Variants in TOB2 observed in about 807,000 individuals in gnomAD.
TOB2 encodes the protein protein Tob2.
Under a neutral mutation model 17.3 loss-of-function variants are expected in TOB2, and 3 were observed. The ratio of observed to expected loss-of-function variants is 0.17; its 90% CI spans 0.08 to 0.45. TOB2 has a LOEUF of 0.45. Ranked by LOEUF, TOB2 falls within the 20% of genes least tolerant of loss-of-function variation. The pLI is 0.99. For synonymous variants in TOB2, 163 were observed against 185.6 expected, an observed-to-expected ratio of 0.88 and a Z score of 0.99; for missense variants, 407 against 445.7, an observed-to-expected ratio of 0.91 and a Z score of 0.78.
intron 1 of TOB2, among the ~76,000 whole-genome samples, chr22:41,441,314 CAAA>C (rs57013095): frequency 7.1e-6 from 1 of 140,996 alleles, no homozygotes; most frequent in Non-Finnish European, 1.5e-5. Flanking sequence ...GACTCTACCT[CAAA>C]AAAAAAAAAA....
intron 1 of TOB2, among the ~76,000 whole-genome samples, chr22:41,444,168 C>T (rs1417125728): frequency 1.3e-5 from 2 of 152,186 alleles, no homozygotes; most frequent in African/African-American, 2.4e-5. Flanking sequence ...ACGCAGGCAG[C>T]TCCTCTCCTT....
intron 1 of TOB2, among the ~76,000 whole-genome samples, chr22:41,439,482 C>CGTATGTAT (rs6147628): frequency 9.2e-4 from 136 of 148,090 alleles, no homozygotes; most frequent in African/African-American, 1.9e-3. Flanking sequence ...TTTAATTTTA[C>CGTATGTAT]GTATGTATGT....
At chr22:41,437,509 G>C (rs917338000) in intron 1 of TOB2, 102 bp from the exon 2 acceptor site, 6 of 1,387,684 alleles carry the variant, frequency 4.3e-6, no homozygotes, top group African/African-American at 1.5e-5. Context: ...CACAGAACCA[G>C]GAGCCTATTT....
chr22:41,439,985 A>G (rs1237608319), intron 1 of TOB2, among the ~76,000 whole-genome samples: 1 of 152,188 alleles, frequency 6.6e-6, no homozygotes, highest in African/African-American at 2.4e-5. Context: ...CAGAGGTACC[A>G]CAACTATGCC....
In TOB2 at chr22:41,436,581, G is replaced by A. The variant is rs2037551287; in HGVS notation, c.765C>T (p.Pro255=). Reference sequence around the variant, plus strand: ...CGTTGTACACGAACTCCTTGGCATTGGGTGAGAGCTGGGACTGAGGGGCCG... The same window carrying A: ...CGTTGTACACGAACTCCTTGGCATTAGGTGAGAGCTGGGACTGAGGGGCCG... ...ANPAPQSQLS[P]NAKEFVYNGG... Residue 255 remains proline, a synonymous_variant, in exon 2 of 2, where the codon CCC becomes CCT. Transcript: ENST00000327492. The surrounding 1 kb of genome is among the most constrained non-coding windows in gnomAD (Gnocchi z 4.8). The A allele has an allele frequency of 6.2e-7, 1 of 1,610,740 alleles. No homozygotes were observed. The highest frequency in any genetic ancestry group is 1.3e-5 in the African/African-American group (1 of 74,908).
At position 41,436,469 on chromosome 22, in the gene TOB2, T is replaced by A. The variant is rs1275644332; in HGVS notation, c.877A>T (p.Thr293Ser). Reference protein sequence around the residue: ...PGPFGGSGAGTCNSSSFDMAQ... With the variant: ...PGPFGGSGAGSCNSSSFDMAQ... ...ATGTCAAAGCTGCTGCTGTTGCAGG[T>A]GCCAGCCCCACTGCCTCCAAACGGG... The change falls in exon 2 of 2, where the codon ACC becomes TCC. Residue 293 changes from threonine (T) to serine (S), a missense_variant. Physicochemically the swap from Thr to Ser is moderately conservative, Grantham distance 58. Coordinates refer to ENST00000327492, the MANE Select transcript of TOB2 (RefSeq NM_016272.4). This position sits in a 1 kb window ranked among gnomAD's most constrained non-coding sequence, Gnocchi z 4.8. The A allele has an allele frequency of 1.2e-6, 2 of 1,614,166 alleles. No homozygotes were observed. The highest frequency in any genetic ancestry group is 1.7e-6 in the Non-Finnish European group (2 of 1,180,004).
At chr22:41,442,755 A>T (rs1184128598) in intron 1 of TOB2, among the ~76,000 whole-genome samples, 3 of 152,256 alleles carry the variant, frequency 2.0e-5, no homozygotes, top group South Asian at 2.1e-4. Flanking sequence ...GTGGCCATTC[A>T]GAGGAGTTTG....
rs1307448715 is a variant in TOB2 at position 41,436,136 on chromosome 22, C to G, written c.*175G>C. On this transcript the variant is annotated 3_prime_UTR_variant, in exon 2 of 2. Coordinates refer to ENST00000327492, the MANE Select transcript of TOB2 (RefSeq NM_016272.4). The surrounding 1 kb of genome is among the most constrained non-coding windows in gnomAD (Gnocchi z 4.8). ...AGCGGTAAGGGGTGAGTGAAACACA[C>G]TTGGGTGCTTTGCAGGGCCCTCCCA... 2 of 756,494 alleles carry G rather than the reference C, an allele frequency of 2.6e-6. No individual in the cohort carries two copies. Among genetic ancestry groups the G allele is most frequent in the Non-Finnish European group, 2.0e-6 (1 of 511,178 alleles). The allele number at this position is 756,494 out of a possible 1,614,324, so 46.9% of individuals were successfully genotyped here. A position where few individuals can be genotyped will look rare whatever the true frequency, so the allele number is the denominator to read the frequency against.
chr22:41,442,887 T>A (rs577610423), intron 1 of TOB2, among the ~76,000 whole-genome samples: 22 of 152,318 alleles, frequency 1.4e-4, no homozygotes, highest in African/African-American at 4.6e-4. Flanking sequence ...AGTAAAGGGA[T>A]TCGCTTAAGT....
At chr22:41,442,558 A>T (rs1480630176) in intron 1 of TOB2, among the ~76,000 whole-genome samples, 1 of 152,216 alleles carries the variant, frequency 6.6e-6, no homozygotes, top group African/African-American at 2.4e-5. Context: ...ATATAATGCC[A>T]CCTTTGCCTC....
chr22:41,445,582 G>A (rs191227821), intron 1 of TOB2, among the ~76,000 whole-genome samples: 118 of 152,228 alleles, frequency 7.8e-4, no homozygotes, highest in African/African-American at 2.7e-3. Context: ...GGGAGGGAGA[G>A]GGCCTGCCGG....
intron 1 of TOB2, among the ~76,000 whole-genome samples, chr22:41,444,145 G>T (rs192473987): frequency 1.2e-3 from 181 of 152,306 alleles, no homozygotes; most frequent in African/African-American, 4.1e-3. Context: ...GCTGTCCGGG[G>T]AGTGAGAGCC....
intron 1 of TOB2, among the ~76,000 whole-genome samples, chr22:41,444,419 A>C (rs1426904477): frequency 6.6e-6 from 1 of 152,218 alleles, no homozygotes; most frequent in Non-Finnish European, 1.5e-5. Context: ...AACTCGACTC[A>C]ACCCAAACGT....
chr22:41,437,052 C>A lies in TOB2; in HGVS notation c.294G>T (p.Glu98Asp). 1.9e-6 allele frequency: 3 copies of A among 1,614,128 alleles called. No homozygotes were observed. Among genetic ancestry groups the A allele is most frequent in the Non-Finnish European group, 2.5e-6 (3 of 1,180,046 alleles). ...EELSVWIDPF[E>D]VSYQIGEKGA... ...CCTTCTCACCAATCTGGTAGGACAC[C>A]TCAAAGGGATCAATCCAGACACTCA... The change falls in exon 2 of 2, where the codon GAG becomes GAT. Residue 98 changes from glutamate to aspartate, a missense_variant. Glu to Asp is a conservative substitution (Grantham distance 45, BLOSUM62 2). Transcript: ENST00000327492.
intron 1 of TOB2, among the ~76,000 whole-genome samples, chr22:41,438,646 A>AAAAAAAAAAAAAAAAAAAAC: frequency 7.0e-6 from 1 of 143,426 alleles, no homozygotes; most frequent in Non-Finnish European, 1.5e-5. Context: ...AAAAAAAAAA[A>AAAAAAAAAAAAAAAAAAAAC]AAAAAAAAAA....
chr22:41,436,521 G>A lies in TOB2; in HGVS notation c.825C>T (p.Ala275=), dbSNP rs376866752. ...CTGGGGTGCCGCTGCCCTGGCCATC[G>A]GCCGCATCAAAGAAGAGGCTGGGTG... ...GGSPSLFFDA[A]DGQGSGTPGP... is the part of the protein sequence containing the mutation. Residue 275 remains alanine (A), a synonymous_variant, in exon 2 of 2, where the codon GCC becomes GCT. Coordinates refer to ENST00000327492, the MANE Select transcript of TOB2 (RefSeq NM_016272.4). The surrounding 1 kb of genome is among the most constrained non-coding windows in gnomAD (Gnocchi z 4.8). 5.0e-6 allele frequency: 8 copies of A among 1,612,012 alleles called. No individual in the cohort carries two copies. In the East Asian group the frequency reaches 6.7e-5, roughly 13 times the overall value.
intron 1 of TOB2, among the ~76,000 whole-genome samples, chr22:41,440,009 C>G (rs575162302): frequency 6.6e-6 from 1 of 152,308 alleles, no homozygotes; most frequent in East Asian, 1.9e-4. Flanking sequence ...CCCAAACCCT[C>G]CACAAGAACA....
chr22:41,445,789 T>TAA (rs1196800889), intron 1 of TOB2, among the ~76,000 whole-genome samples: 1 of 152,104 alleles, frequency 6.6e-6, no homozygotes, highest in African/African-American at 2.4e-5. Context: ...TTAAAACACT[T>TAA]AAGAGTATAA....
rs749494672 is a variant in TOB2, at chr22:41,438,630, C to CAAAAAAAAAAAAAAAAAAAAAAA, written c.-62-1246_-62-1224dup. Among the ~76,000 whole-genome samples the CAAAAAAAAAAAAAAAAAAAAAAA allele has an allele frequency of 2.4e-4, 3 of 12,692 alleles. 1 individual carries two copies. Among genetic ancestry groups the CAAAAAAAAAAAAAAAAAAAAAAA allele is most frequent in the Non-Finnish European group, 3.7e-4 (2 of 5,394 alleles). 8.3% of individuals were successfully genotyped at this position (12,692 alleles called of 152,430 possible). On this transcript the variant is annotated intron_variant, in intron 1 of 1. Transcript: ENST00000327492. ...GGGCAACAAGAGCGAAACTCTGTCT[C>CAAAAAAAAAAAAAAAAAAAAAAA]AAAAAAAAAAAAAAAAAAAAAAAAA...
Sources: gnomAD v4.1 joint callset for allele counts (sites outside exome capture counted in the v4.1 genomes callset) on GRCh38, gnomAD v4.1.1 for gene constraint, Gnocchi (gnomAD v3.1) non-coding constraint, MANE v1.5 for transcripts, NCBI Gene and HGNC (gene_info 2026-07-23, HGNC 2026-07-21) for gene names.